BMP5: variants seen among roughly 807,000 people sequenced by gnomAD.
BMP5 encodes the protein bone morphogenetic protein 5.
A neutral mutation model predicts 46.6 loss-of-function variants in BMP5; 23 were observed. The ratio of observed to expected loss-of-function variants is 0.49; its 90% CI spans 0.35 to 0.70. The LOEUF (loss-of-function observed/expected upper bound fraction) is 0.70. Ranked by LOEUF, BMP5 falls within the 30% of genes least tolerant of loss-of-function variation. The probability of loss-of-function intolerance (pLI) is 0.00; values close to 1 mark genes in which losing one functional copy is unlikely to be tolerated. For synonymous variants in BMP5, 204 were observed against 191.9 expected, an observed-to-expected ratio of 1.06 and a Z score of -0.52; for missense variants, 545 against 565.6, an observed-to-expected ratio of 0.96 and a Z score of 0.37.
chr6:55,862,783 G>A (rs1777553336), intron 1 of BMP5, among the ~76,000 whole-genome samples: 2 of 152,108 alleles, frequency 1.3e-5, no homozygotes, highest in African/African-American at 2.4e-5. Flanking sequence ...ACACAAGCAG[G>A]CTTCTAACAG....
At chr6:55,805,468 A>G (rs1775965969) in intron 2 of BMP5, among the ~76,000 whole-genome samples, 1 of 152,168 alleles carries the variant, frequency 6.6e-6, no homozygotes, top group Admixed American at 6.5e-5. Flanking sequence ...ATAGTATTCC[A>G]TGGTGTATAT....
At chr6:55,789,330 G>T (rs1775521762) in intron 3 of BMP5, among the ~76,000 whole-genome samples, 1 of 151,720 alleles carries the variant, frequency 6.6e-6, no homozygotes, top group African/African-American at 2.4e-5. Context: ...TGCTATCTTT[G>T]TTTTTCAATC....
intron 1 of BMP5, among the ~76,000 whole-genome samples, chr6:55,837,983 C>T (rs1776861178): frequency 6.6e-6 from 1 of 152,180 alleles, no homozygotes; most frequent in Non-Finnish European, 1.5e-5. Flanking sequence ...TTGCAAACGA[C>T]TGGGTCTCAT....
intron 4 of BMP5, among the ~76,000 whole-genome samples, chr6:55,771,197 A>G (rs1775039206): frequency 6.6e-6 from 1 of 151,830 alleles, no homozygotes; most frequent in Non-Finnish European, 1.5e-5. Flanking sequence ...TCAACACTGA[A>G]TATACTCCTT....
At position 55,768,250 on chromosome 6, in the gene BMP5, G is replaced by C. The variant is rs554047761; in HGVS notation, c.1027+5799C>G. On this transcript the variant is annotated intron_variant, in intron 4 of 6. Coordinates refer to ENST00000370830, the MANE Select transcript of BMP5 (RefSeq NM_021073.4). Reference sequence around the variant, plus strand: ...CCTATCAAATTTGAGAACAAGAATAGAATGTTTCAATTTTAGTAACTATGC... The same window carrying C: ...CCTATCAAATTTGAGAACAAGAATACAATGTTTCAATTTTAGTAACTATGC... Among the ~76,000 whole-genome samples the C allele has an allele frequency of 8.6e-5, 13 of 151,964 alleles. No individual in the cohort carries two copies. In the South Asian group the frequency reaches 2.5e-3, roughly 29 times the overall value.
chr6:55,782,093 T>C (rs1775332906), intron 3 of BMP5, among the ~76,000 whole-genome samples: 1 of 152,048 alleles, frequency 6.6e-6, no homozygotes, highest in Non-Finnish European at 1.5e-5. Flanking sequence ...CCTAATGTAA[T>C]ATGCCATAGT....
At chr6:55,761,551 A>G (rs1360663296) in intron 4 of BMP5, among the ~76,000 whole-genome samples, 1 of 151,586 alleles carries the variant, frequency 6.6e-6, no homozygotes, top group Non-Finnish European at 1.5e-5. Context: ...TTGCTGTTTC[A>G]CTCACAGTCA....
intron 2 of BMP5, among the ~76,000 whole-genome samples, chr6:55,800,160 T>A (rs1775809242): frequency 6.6e-6 from 1 of 152,100 alleles, no homozygotes; most frequent in Non-Finnish European, 1.5e-5. Flanking sequence ...CATAGATGGA[T>A]CTGAAGACGA....
chr6:55,815,605 A>G (rs963094734), intron 2 of BMP5, among the ~76,000 whole-genome samples: 13 of 152,168 alleles, frequency 8.5e-5, no homozygotes, highest in African/African-American at 3.1e-4. Context: ...TACTGAAACA[A>G]TACGTAGCTA....
rs191321629 is a variant in BMP5 at position 55,871,168 on chromosome 6, G to A, written c.490+3208C>T. On this transcript the variant is annotated intron_variant, in intron 1 of 6. Coordinates refer to ENST00000370830, the MANE Select transcript of BMP5 (RefSeq NM_021073.4). ...CTAATCATGTCTTTAACTTGTACTG[G>A]TATTTAATACATATACTAACACTTA... is the stretch of plus-strand genomic sequence containing the variant. Among the ~76,000 whole-genome samples, 174 of 151,790 alleles carry A rather than the reference G, an allele frequency of 1.1e-3. 4 individuals carry two copies. Among genetic ancestry groups the A allele is most frequent in the Admixed American group, 0.011 (172 of 15,258 alleles).
chr6:55,762,140 C>T (rs1347599435), intron 4 of BMP5, among the ~76,000 whole-genome samples: 1 of 152,094 alleles, frequency 6.6e-6, no homozygotes, highest in Admixed American at 6.6e-5. Flanking sequence ...ATTTATGGAA[C>T]ATTTTTCATT....
chr6:55,847,337 C>G (rs1175430759), intron 1 of BMP5, among the ~76,000 whole-genome samples: 1 of 151,904 alleles, frequency 6.6e-6, no homozygotes, highest in Non-Finnish European at 1.5e-5. Context: ...GTGTCCTTTT[C>G]CTATCCTGAG....
chr6:55,842,656 G>A (rs1199784932), intron 1 of BMP5, among the ~76,000 whole-genome samples: 3 of 151,332 alleles, frequency 2.0e-5, no homozygotes, highest in Non-Finnish European at 2.9e-5. Flanking sequence ...AAAATGCCCC[G>A]ACACAAAAAA....
At chr6:55,777,202 C>T (rs945053529) in intron 3 of BMP5, among the ~76,000 whole-genome samples, 2 of 151,678 alleles carry the variant, frequency 1.3e-5, no homozygotes, top group South Asian at 2.1e-4. Context: ...TTGACTAAAC[C>T]TTTTCAAAGA....
intron 1 of BMP5, among the ~76,000 whole-genome samples, chr6:55,868,348 T>A (rs1287820181): frequency 6.6e-6 from 1 of 152,194 alleles, no homozygotes; most frequent in Admixed American, 6.5e-5. Context: ...ATCTTCATTG[T>A]CTTAGAAGTC....
intron 1 of BMP5, among the ~76,000 whole-genome samples, chr6:55,833,449 T>A (rs921400502): frequency 1.3e-5 from 2 of 152,198 alleles, no homozygotes; most frequent in Non-Finnish European, 2.9e-5. Context: ...AAACCTAAGT[T>A]GTGCTTTACA....
At chr6:55,872,033 CTT>C (rs1423155570) in intron 1 of BMP5, among the ~76,000 whole-genome samples, 2 of 151,774 alleles carry the variant, frequency 1.3e-5, no homozygotes, top group Non-Finnish European at 3.0e-5. Flanking sequence ...CACTGGCACT[CTT>C]ATTGCAGCTA....
chr6:55,783,166 A>G (rs1483860770), intron 3 of BMP5, among the ~76,000 whole-genome samples: 1 of 152,110 alleles, frequency 6.6e-6, no homozygotes, highest in Admixed American at 6.6e-5. Context: ...CTTATTAGCC[A>G]TAAGAAGGCA....
chr6:55,836,493 A>T (rs1776795420), intron 1 of BMP5, among the ~76,000 whole-genome samples: 1 of 152,132 alleles, frequency 6.6e-6, no homozygotes, highest in Non-Finnish European at 1.5e-5. Flanking sequence ...TGGTTAGCCA[A>T]GTTATGTGAT....
Sources: gnomAD v4.1 joint callset for allele counts (sites outside exome capture counted in the v4.1 genomes callset) on GRCh38, gnomAD v4.1.1 for gene constraint, MANE v1.5 for transcripts, NCBI Gene and HGNC (gene_info 2026-07-23, HGNC 2026-07-21) for gene names.